ADGB: variants seen among roughly 807,000 people sequenced by gnomAD.
ADGB encodes the protein calpain-7-like protein.
In ADGB, 172 loss-of-function variants were observed where a neutral mutation model predicts 210.5. The ratio of observed to expected loss-of-function variants is 0.82; its 90% confidence interval spans 0.72 to 0.93. ADGB has a LOEUF of 0.93. ADGB is among the 40% of genes least tolerant of loss of function. ADGB has a pLI of 0.00. For synonymous variants in ADGB, 658 were observed against 662.7 expected (o/e 0.99, Z 0.11); for missense variants, 2,025 against 1,964.8 (o/e 1.03, Z -0.58).
In ADGB at chr6:146,807,421, G is replaced by A. The variant is rs187569800; in HGVS notation, c.4818+5410G>A. On this transcript the variant is annotated intron_variant, in intron 35 of 35. Coordinates refer to ENST00000397944, the MANE Select transcript of ADGB (RefSeq NM_024694.4). The stretch of plus-strand genomic sequence containing the variant: ...GAACAGGACTCCTTAGATGAAGCCC[G>A]ACAGAAAATTTTCGACATCCGGGAA... 6.3e-4 allele frequency: 977 copies of A among 1,551,386 alleles called. 5 individuals are homozygous for A. The African/African-American group carries it at 0.012, about 19-fold the overall frequency.
rs531661012 is a variant in ADGB at position 146,753,145 on chromosome 6, C to G, written c.3550+431C>G. 2.0e-5 allele frequency among the ~76,000 whole-genome samples: 3 copies of G among 151,972 alleles called. No homozygotes were observed. In the South Asian group the frequency reaches 6.2e-4, roughly 31 times the overall value. ...TTGGAAATAATGGTTAGCAGTGCTA[C>G]TCTGAGGTGTATTACGTAGTTATGT... On this transcript the variant is annotated intron_variant, in intron 27 of 35. Coordinates refer to ENST00000397944, the MANE Select transcript of ADGB (RefSeq NM_024694.4).
intron 10 of ADGB, among the ~76,000 whole-genome samples, chr6:146,690,719 TA>T (rs1353774685): frequency 1.3e-5 from 2 of 152,168 alleles, no homozygotes; most frequent in African/African-American, 4.8e-5. Flanking sequence ...AAGTAGTATT[TA>T]AAAAAATTAG....
At chr6:146,746,999 T>C (rs1023298442) in intron 26 of ADGB, among the ~76,000 whole-genome samples, 8 of 152,322 alleles carry the variant, frequency 5.3e-5, no homozygotes, top group African/African-American at 1.9e-4. Context: ...TCAAATATAA[T>C]TAGTTGGCTC....
intron 18 of ADGB, 155 bp downstream of exon 18, chr6:146,724,482 ATTTCC>A: frequency 1.4e-6 from 1 of 700,048 alleles, no homozygotes. Context: ...TGAGAAAAAT[ATTTCC>A]AAAAAACTAC....
rs568655956 is a variant in ADGB at position 146,618,444 on chromosome 6, G to A, written c.75-16931G>A. 2.8e-4 allele frequency among the ~76,000 whole-genome samples: 43 copies of A among 151,864 alleles called. No homozygotes were observed. In the South Asian group the frequency reaches 6.4e-3, roughly 23 times the overall value. On this transcript the variant is annotated intron_variant, in intron 1 of 35. Coordinates refer to ENST00000397944, the MANE Select transcript of ADGB (RefSeq NM_024694.4). ...TTTGTTCTTGCCTTTCTAGTTCCTT[G>A]AAGTGCATTATTAAGTTATTTGGTC...
chr6:146,814,877 A>G (rs1410693166), intron 35 of ADGB, among the ~76,000 whole-genome samples, 155 bp from the exon 36 acceptor site: 1 of 152,170 alleles, frequency 6.6e-6, no homozygotes, highest in Non-Finnish European at 1.5e-5. Flanking sequence ...TGTACTGATA[A>G]GCTGTTGAGA....
intron 16 of ADGB, among the ~76,000 whole-genome samples, chr6:146,718,884 C>A (rs1330185162): frequency 2.0e-5 from 3 of 152,160 alleles, no homozygotes; most frequent in African/African-American, 7.2e-5. Flanking sequence ...AAATCCTTCA[C>A]CTAGTCCTGG....
chr6:146,626,746 G>T (rs1386162384), intron 1 of ADGB, among the ~76,000 whole-genome samples: 1 of 150,254 alleles, frequency 6.7e-6, no homozygotes, highest in Non-Finnish European at 1.5e-5. Flanking sequence ...ACTTGGCATG[G>T]TTTTTTTCAG....
intron 13 of ADGB, among the ~76,000 whole-genome samples, chr6:146,710,691 A>AT (rs1477669592): frequency 6.6e-6 from 1 of 152,078 alleles, no homozygotes; most frequent in Admixed American, 6.5e-5. Context: ...ATTTTTTGAA[A>AT]TTTTAAAAAA....
At chr6:146,705,528 A>G (rs1776557372) in intron 13 of ADGB, among the ~76,000 whole-genome samples, 1 of 152,156 alleles carries the variant, frequency 6.6e-6, no homozygotes, top group African/African-American at 2.4e-5. Context: ...CCATCTATTC[A>G]CATGATTGCA....
At position 146,756,358 on chromosome 6, in the gene ADGB, G is replaced by C. The variant is rs144652041; in HGVS notation, c.3550+3644G>C. On this transcript the variant is annotated intron_variant, in intron 27 of 35. Coordinates refer to ENST00000397944, the MANE Select transcript of ADGB (RefSeq NM_024694.4). ...CTTCTGAGTATTGTTTCCTAAATCA[G>C]TTTTTGGTTTTGATCACTAACGTCG... Among the ~76,000 whole-genome samples the C allele has an allele frequency of 9.7e-3, 1,481 of 152,196 alleles. 14 individuals carry two copies. The highest frequency in any genetic ancestry group is 0.016 in the Non-Finnish European group (1,066 of 67,982).
intron 24 of ADGB, 61 bp from the exon 25 acceptor site, chr6:146,741,057 A>G (rs1340573641): frequency 2.2e-6 from 3 of 1,344,672 alleles, no homozygotes; most frequent in Non-Finnish European, 1.9e-6. Flanking sequence ...GCATTAATGC[A>G]AATTTCAAAC....
chr6:146,716,475 C>T (rs1201509265), intron 14 of ADGB, among the ~76,000 whole-genome samples: 1 of 142,072 alleles, frequency 7.0e-6, no homozygotes, highest in East Asian at 2.0e-4. Context: ...CGCCTGTAGT[C>T]CCAGCTACTC....
In ADGB at chr6:146,622,279, C is replaced by A. The variant is rs373993613; in HGVS notation, c.75-13096C>A. ...TGTAGCAAAGACGTTCTGGTGGGCT[C>A]AGCTAGTTTCTCTTTTTAGGGCTTT... is the stretch of plus-strand genomic sequence containing the variant. On this transcript the variant is annotated intron_variant, in intron 1 of 35. Coordinates refer to ENST00000397944, the MANE Select transcript of ADGB (RefSeq NM_024694.4). Among the ~76,000 whole-genome samples the A allele has an allele frequency of 5.1e-4, 78 of 152,202 alleles. 1 individual carries two copies. The South Asian group carries it at 0.011, about 21-fold the overall frequency.
At chr6:146,779,952 A>G (rs1035151872) in intron 29 of ADGB, among the ~76,000 whole-genome samples, 1 of 151,952 alleles carries the variant, frequency 6.6e-6, no homozygotes, top group Non-Finnish European at 1.5e-5. Flanking sequence ...ATGAAAGTCA[A>G]TATAAATGTA....
At chr6:146,671,863 T>A (rs1017181990) in intron 7 of ADGB, among the ~76,000 whole-genome samples, 8 of 152,128 alleles carry the variant, frequency 5.3e-5, no homozygotes, top group African/African-American at 1.9e-4. Flanking sequence ...GATAAGGACC[T>A]TCTACATAAG....
chr6:146,734,068 G>GTTTA, intron 22 of ADGB, 38 bp downstream of exon 22: 1 of 1,535,904 alleles, frequency 6.5e-7, no homozygotes, highest in Non-Finnish European at 8.8e-7. Context: ...GAACTTGTTT[G>GTTTA]TATAAGAATA....
rs1201998613 is a variant in ADGB at position 146,788,403 on chromosome 6, C to A, written c.4330C>A (p.Arg1444Ser). The change falls in exon 33 of 36, where the codon CGT (arginine) becomes AGT (serine). Residue 1444 changes from arginine to serine, a missense_variant. Arg to Ser is a moderately radical substitution (Grantham distance 110). Coordinates refer to ENST00000397944, the MANE Select transcript of ADGB (RefSeq NM_024694.4). Reference sequence around the variant, plus strand: ...TCATGTTGTAGTAGAAACAGCTGCACGTGGCGTAAAAGAACCAAACTCAAA... The same window carrying A: ...TCATGTTGTAGTAGAAACAGCTGCAAGTGGCGTAAAAGAACCAAACTCAAA... ...KPKEEVETAA[R>S]GVKEPNSKNS... 5.2e-6 allele frequency: 8 copies of A among 1,551,456 alleles called. No homozygotes were observed. Among genetic ancestry groups the A allele is most frequent in the Non-Finnish European group, 7.0e-6 (8 of 1,146,858 alleles).
chr6:146,741,304 G>T, intron 25 of ADGB, 33 bp downstream of exon 25: 2 of 1,544,908 alleles, frequency 1.3e-6, no homozygotes, highest in Non-Finnish European at 1.7e-6. Flanking sequence ...ACATATGATA[G>T]AATGGCAGTG....
Sources: gnomAD v4.1 joint callset for allele counts (sites outside exome capture counted in the v4.1 genomes callset) on GRCh38, gnomAD v4.1.1 for gene constraint, MANE v1.5 for transcripts, NCBI Gene and HGNC (gene_info 2026-07-23, HGNC 2026-07-21) for gene names.